The following MYBPC3 variants were observed in gnomAD, a reference collection of about 807,000 sequenced individuals.
The protein encoded by MYBPC3 is myosin binding protein C3.
A neutral mutation model predicts 159.3 loss-of-function variants in MYBPC3; 108 were observed. The ratio of observed to expected loss-of-function variants is 0.68; its 90% CI spans 0.58 to 0.80. The LOEUF (loss-of-function observed/expected upper bound fraction) is 0.80. Among genes scored for constraint, MYBPC3 ranks in the 30% least tolerant of loss-of-function variants. MYBPC3 has a pLI of 0.00. For synonymous variants in MYBPC3, 730 were observed against 702.0 expected (o/e 1.04, Z -0.63); for missense variants, 1,631 against 1,762.1 (o/e 0.93, Z 1.33).
rs1057517769 is a variant in MYBPC3 at position 47,332,576 on chromosome 11, C to T, written c.3617G>A (p.Gly1206Asp). 6.2e-7 allele frequency: 1 copy of T among 1,611,958 alleles called. No homozygotes were observed. Among genetic ancestry groups the T allele is most frequent in the East Asian group, 2.2e-5 (1 of 44,836 alleles). ...CCTAAAGTTCCCTACCTTGGGGCTA[C>T]CCCGGACAGCACAGCAGAGCATAGC... ...YTAMLCCAVR[G>D]SPKPKISWFK... Residue 1206 changes from glycine (G) to aspartate (D), a missense_variant, in exon 32 of 35, where the codon GGT (glycine) becomes GAT (aspartate). Gly to Asp is a moderately conservative substitution (Grantham distance 94). Transcript: ENST00000545968. The surrounding 1 kb of genome is among the most constrained non-coding windows in gnomAD (Gnocchi z 4.2).
intron 5 of MYBPC3, among the ~76,000 whole-genome samples, chr11:47,348,930 A>ATATATATAT (rs1291880008): frequency 2.8e-4 from 38 of 133,598 alleles, no homozygotes; most frequent in East Asian, 9.1e-4. Context: ...ATATATATTT[A>ATATATATAT]AAGGAGGCTG....
chr11:47,347,952 C>A (rs748802117), intron 6 of MYBPC3, 47 bp from the exon 7 acceptor site: 3 of 1,536,618 alleles, frequency 2.0e-6, no homozygotes, highest in Non-Finnish European at 2.7e-6. Flanking sequence ...TCAGAGGGGG[C>A]CGTTTGAGAA....
chr11:47,332,211 G>A lies in MYBPC3; in HGVS notation c.3675C>T (p.Ala1225=), dbSNP rs1220003185. The change falls in exon 33 of 35, where the codon GCC becomes GCT. Residue 1225 remains alanine (A), a synonymous_variant. Coordinates refer to ENST00000545968, the MANE Select transcript of MYBPC3 (RefSeq NM_000256.3). The surrounding 1 kb of genome is among the most constrained non-coding windows in gnomAD (Gnocchi z 4.2). The part of the protein sequence containing the change: ...FKNGLDLGED[A]RFRMFSKQGV... Reference sequence around the variant, plus strand: ...CCTGCTTGCTGAACATGCGGAAGCGGGCGTCTTCTCCCAGGTCCAGGCCAT... The same window carrying A: ...CCTGCTTGCTGAACATGCGGAAGCGAGCGTCTTCTCCCAGGTCCAGGCCAT... 10 of 1,613,874 alleles carry A rather than the reference G, an allele frequency of 6.2e-6. No individual in the cohort carries two copies. The highest frequency in any genetic ancestry group is 8.5e-6 in the Non-Finnish European group (10 of 1,179,904).
Position 47,338,507 on chromosome 11 carries a change from C to T in MYBPC3, c.2308+13G>A, listed in dbSNP as rs780086088. 22 of 1,613,782 alleles carry T rather than the reference C, an allele frequency of 1.4e-5. No homozygotes were observed. In the African/African-American group the frequency reaches 1.9e-4, roughly 14 times the overall value. ...CCTCTGTGTTCTCCAGCTTGGACCC[C>T]GGCCGGCCTCACCGATGACCTTGAC... On this transcript the variant is annotated intron_variant, in intron 23 of 34. Transcript: ENST00000545968. The surrounding 1 kb of genome is among the most constrained non-coding windows in gnomAD (Gnocchi z 4.7).
chr11:47,350,658 G>A, intron 2 of MYBPC3, 43 bp from the exon 3 acceptor site: 1 of 1,431,774 alleles, frequency 7.0e-7, no homozygotes, highest in East Asian at 2.9e-5. Context: ...CCACTAACCA[G>A]AGACCCCTCC....
Position 47,346,311 on chromosome 11 carries a change from G to A in MYBPC3, c.986C>T (p.Pro329Leu), listed in dbSNP as rs1595847781. The part of the protein sequence containing the change: ...EDVWEILRQA[P>L]PSEYERIAFQ... ...GGCGATGCGCTCGTACTCAGATGGG[G>A]GTGCCTGCCGTAGGATCTCCCACAC... Residue 329 changes from proline to leucine, a missense_variant, in exon 12 of 35, where the codon CCC becomes CTC. Pro to Leu is a moderately conservative substitution (Grantham distance 98). Transcript: ENST00000545968. This position sits in a 1 kb window ranked among gnomAD's most constrained non-coding sequence, Gnocchi z 5.3. 6.2e-7 allele frequency: 1 copy of A among 1,612,568 alleles called. No homozygotes were observed. Among genetic ancestry groups the A allele is most frequent in the Non-Finnish European group, 8.5e-7 (1 of 1,179,310 alleles).
intron 12 of MYBPC3, 78 bp from the exon 13 acceptor site, chr11:47,343,702 T>TGGGGCCC: frequency 6.9e-7 from 1 of 1,450,090 alleles, no homozygotes. Context: ...TGGCTGTGGC[T>TGGGGCCC]GGGGCCCAGG....
At chr11:47,347,986 G>T in intron 6 of MYBPC3, 81 bp from the exon 7 acceptor site, 1 of 1,348,060 alleles carries the variant, frequency 7.4e-7, no homozygotes, top group South Asian at 1.3e-5. Context: ...GGCGGCCTCT[G>T]AGTATTCACA....
chr11:47,333,244 T>G lies in MYBPC3; in HGVS notation c.3280A>C (p.Asn1094His). ...LEWKPPQDVG[N>H]TELWGYTVQK... ...ACTGTGTACCCCCAGAGCTCCGTGT[T>G]GCCGACATCCTGGGGTGGCTTCCAC... The change falls in exon 30 of 35, where the codon AAC becomes CAC. Residue 1094 changes from asparagine (N) to histidine (H), a missense_variant. Physicochemically the swap from Asn to His is moderately conservative, Grantham distance 68. Transcript: ENST00000545968. 6.3e-7 allele frequency: 1 copy of G among 1,588,252 alleles called. No individual in the cohort carries two copies.
rs1049451782 is a variant in MYBPC3 at position 47,343,315 on chromosome 11, G to A, written c.1224-53C>T. On this transcript the variant is annotated intron_variant, in intron 13 of 34. Coordinates refer to ENST00000545968, the MANE Select transcript of MYBPC3 (RefSeq NM_000256.3). ...GTTCCCGACGGGAGGAAGTGAGCCC[G>A]AGACAAAAGGAGAGAGAGAGAGGGA... The A allele has an allele frequency of 7.2e-6, 11 of 1,519,762 alleles. No individual in the cohort carries two copies. The African/African-American group carries it at 9.7e-5, about 13-fold the overall frequency. The allele number at this position is 1,519,762 out of a possible 1,614,324, so 94.1% of individuals were successfully genotyped here. A position where few individuals can be genotyped will look rare whatever the true frequency, so the allele number is the denominator to read the frequency against.
intron 18 of MYBPC3, 76 bp downstream of exon 18, chr11:47,341,915 C>T: frequency 2.0e-6 from 3 of 1,523,334 alleles, no homozygotes; most frequent in South Asian, 2.5e-5. Flanking sequence ...ATCTCTCTCT[C>T]TCTGTTTCTC....
Position 47,346,734 on chromosome 11 carries a change from C to A in MYBPC3, c.909-90G>T. Reference sequence around the variant, plus strand: ...CAAAGACCTGGACCCCACCCATGGGCCTTTACTTCCTCCCTATTTTCCGCA... The same window carrying A: ...CAAAGACCTGGACCCCACCCATGGGACTTTACTTCCTCCCTATTTTCCGCA... On this transcript the variant is annotated intron_variant, in intron 10 of 34. Coordinates refer to ENST00000545968, the MANE Select transcript of MYBPC3 (RefSeq NM_000256.3). The surrounding 1 kb of genome is among the most constrained non-coding windows in gnomAD (Gnocchi z 5.3). 2.2e-6 allele frequency: 3 copies of A among 1,346,852 alleles called. No individual in the cohort carries two copies. Among genetic ancestry groups the A allele is most frequent in the Non-Finnish European group, 3.0e-6 (3 of 991,358 alleles). The allele number at this position is 1,346,852 out of a possible 1,614,324, so 83.4% of individuals were successfully genotyped here.
At position 47,335,035 on chromosome 11, in the gene MYBPC3, C is replaced by T. The variant is rs886048371; in HGVS notation, c.2905+7G>A. 1 of 1,521,962 alleles carries T rather than the reference C, an allele frequency of 6.6e-7. No individual in the cohort carries two copies. The highest frequency in any genetic ancestry group is 1.4e-5 in the African/African-American group (1 of 72,394). 94.3% of individuals were successfully genotyped at this position (1,521,962 alleles called of 1,614,324 possible). On this transcript the variant is annotated splice_region_variant and intron_variant, in intron 27 of 34. Transcript: ENST00000545968. ...CGGGTCTTGTGACTGCACAAAGGGG[C>T]ACTCACGCAGGATCTCCTGCACTGT...
At chr11:47,335,302 T>C (rs779481014) in intron 26 of MYBPC3, 93 bp from the exon 27 acceptor site, 24 of 1,002,856 alleles carry the variant, frequency 2.4e-5, no homozygotes, top group Non-Finnish European at 3.1e-5. Flanking sequence ...ATCTCCAGGA[T>C]TTAAATATGT....
Position 47,337,420 on chromosome 11 carries a change from C to T in MYBPC3, c.2573G>A (p.Ser858Asn), listed in dbSNP as rs727503185. The change falls in exon 25 of 35, where the codon AGC becomes AAC. Residue 858 changes from serine to asparagine, a missense_variant. Ser to Asn is a conservative substitution (Grantham distance 46). Transcript: ENST00000545968. Reference sequence around the variant, plus strand: ...AGGCATGAAGGGCTGGGAGGCAGGGCTGGGCCTGGACATGCCGATGGCGTT... The same window carrying T: ...AGGCATGAAGGGCTGGGAGGCAGGGTTGGGCCTGGACATGCCGATGGCGTT... Reference protein sequence around the residue: ...AVNAIGMSRPSPASQPFMPIG... With the variant: ...AVNAIGMSRPNPASQPFMPIG... 1.1e-5 allele frequency: 18 copies of T among 1,603,490 alleles called. No homozygotes were observed. Among genetic ancestry groups the T allele is most frequent in the Non-Finnish European group, 1.5e-5 (18 of 1,174,272 alleles).
rs397515916 is a variant in MYBPC3 at position 47,342,574 on chromosome 11, T to A, written c.1624+4A>T. 3.7e-5 allele frequency: 59 copies of A among 1,584,178 alleles called. No individual in the cohort carries two copies. Among genetic ancestry groups the A allele is most frequent in the Non-Finnish European group, 4.8e-5 (56 of 1,164,166 alleles). On this transcript the variant is annotated splice_donor_region_variant and intron_variant, in intron 17 of 34. Coordinates refer to ENST00000545968, the MANE Select transcript of MYBPC3 (RefSeq NM_000256.3). Reference sequence around the variant, plus strand: ...GCCTCATGTGCCCCCCCAGCCAGGCTCACCCTGCACAATGAGCTCAGCCAG... The same window carrying A: ...GCCTCATGTGCCCCCCCAGCCAGGCACACCCTGCACAATGAGCTCAGCCAG...
In MYBPC3 at chr11:47,346,657, T is replaced by C; in HGVS notation, c.909-13A>G. 7.9e-7 allele frequency: 1 copy of C among 1,264,786 alleles called. No individual in the cohort carries two copies. 78.3% of individuals were successfully genotyped at this position (1,264,786 alleles called of 1,614,324 possible). ...GGTCCGGAAACTGCTGCTCCAGGGG[T>C]GGGGGTGGGAGAAAGGGTAGGTGGC... On this transcript the variant is annotated splice_polypyrimidine_tract_variant and intron_variant, in intron 10 of 34. Coordinates refer to ENST00000545968, the MANE Select transcript of MYBPC3 (RefSeq NM_000256.3). The surrounding 1 kb of genome is among the most constrained non-coding windows in gnomAD (Gnocchi z 5.3).
chr11:47,338,590 C>G lies in MYBPC3; in HGVS notation c.2238G>C (p.Glu746Asp). Residue 746 changes from glutamate to aspartate, a missense_variant, in exon 23 of 35, where the codon GAG becomes GAC. Coordinates refer to ENST00000545968, the MANE Select transcript of MYBPC3 (RefSeq NM_000256.3). The surrounding 1 kb of genome is among the most constrained non-coding windows in gnomAD (Gnocchi z 4.7). ...FTVEGAEKED[E>D]GVYTVTVKNP... ...TCTTCACTGTGACCGTGTAGACGCC[C>G]TCATCTTCCTTCTCTGCCCCCTCGA... 1.2e-6 allele frequency: 2 copies of G among 1,614,018 alleles called. No individual in the cohort carries two copies. Among genetic ancestry groups the G allele is most frequent in the South Asian group, 2.2e-5 (2 of 91,080 alleles).
rs200224422 is a variant in MYBPC3 at position 47,342,594 on chromosome 11, A to T, written c.1608T>A (p.Ala536=). The change falls in exon 17 of 35, where the codon GCT becomes GCA. Residue 536 remains alanine, a synonymous_variant. Coordinates refer to ENST00000545968, the MANE Select transcript of MYBPC3 (RefSeq NM_000256.3). ...ALCTSGGQAL[A]ELIVQEKKLE... ...CAGGCTCACCCTGCACAATGAGCTC[A>T]GCCAGCGCCTGGCCCCCGCTAGTGC... The T allele has an allele frequency of 2.3e-3, 3,681 of 1,606,378 alleles. 10 individuals are homozygous for T. The highest frequency in any genetic ancestry group is 3.0e-3 in the Non-Finnish European group (3,519 of 1,175,638).
Sources: allele counts gnomAD v4.1 joint callset (sites outside exome capture counted in the v4.1 genomes callset), GRCh38; gene constraint gnomAD v4.1.1; non-coding constraint Gnocchi (gnomAD v3.1); transcripts MANE v1.5; gene names NCBI Gene and HGNC (gene_info 2026-07-23, HGNC 2026-07-21).